The following ACAP3 variants were observed in gnomAD, a reference collection of about 807,000 sequenced individuals.
ACAP3 encodes the protein ArfGAP with coiled-coil, ankyrin repeat and PH domains 3.
A neutral mutation model predicts 104.1 loss-of-function variants in ACAP3; 56 were observed. That is an observed-to-expected ratio of 0.54 (90% CI 0.43 to 0.67). The LOEUF (loss-of-function observed/expected upper bound fraction) is 0.67. ACAP3 is among the 30% of genes least tolerant of loss of function. ACAP3 has a pLI of 0.00. For synonymous variants in ACAP3, 628 were observed against 496.2 expected (o/e 1.27, Z -3.53); for missense variants, 1,208 against 1,174.9 (o/e 1.03, Z -0.41).
In ACAP3 at chr1:1,294,607, G is replaced by C; in HGVS notation, c.1934C>G (p.Ser645Cys). 6.6e-7 allele frequency: 1 copy of C among 1,521,686 alleles called. No individual in the cohort carries two copies. Among genetic ancestry groups the C allele is most frequent in the Non-Finnish European group, 8.8e-7 (1 of 1,136,784 alleles). 94.3% of individuals were successfully genotyped at this position (1,521,686 alleles called of 1,614,324 possible). A position where few individuals can be genotyped will look rare whatever the true frequency, so the allele number is the denominator to read the frequency against. The change falls in exon 21 of 24, where the codon TCC becomes TGC. Residue 645 changes from serine (S) to cysteine (C), a missense_variant. Transcript: ENST00000354700. ...TEEEGAESEE[S>C]SGEADGDTEA... Reference sequence around the variant, plus strand: ...AGTGTCCCCGTCTGCCTCACCGCTGGACTCCTCCGACTCTGCACCCTCTGT... The same window carrying C: ...AGTGTCCCCGTCTGCCTCACCGCTGCACTCCTCCGACTCTGCACCCTCTGT...
Position 1,303,799 on chromosome 1 carries a change from CG to C in ACAP3, c.105+286del. Reference sequence around the variant, plus strand: ...GCTCAGCCCACACAGCAGCTGTCCCCGTGTCACCAGCCCAGCAGAGGGGACG... The same window carrying C: ...GCTCAGCCCACACAGCAGCTGTCCCCTGTCACCAGCCCAGCAGAGGGGACG... On this transcript the variant is annotated intron_variant, in intron 2 of 23. Coordinates refer to ENST00000354700, the MANE Select transcript of ACAP3 (RefSeq NM_030649.3). The surrounding 1 kb of genome is among the most constrained non-coding windows in gnomAD (Gnocchi z 4.0). 1 of 538,790 alleles carries C rather than the reference CG, an allele frequency of 1.9e-6. No homozygotes were observed. Among genetic ancestry groups the C allele is most frequent in the Admixed American group, 3.3e-5 (1 of 30,150 alleles). 33.4% of individuals were successfully genotyped at this position (538,790 alleles called of 1,614,324 possible).
At chr1:1,300,322 C>T (rs1055958896) in intron 6 of ACAP3, 120 bp from the exon 7 acceptor site, 1 of 1,332,644 alleles carries the variant, frequency 7.5e-7, no homozygotes, top group Non-Finnish European at 1.0e-6. Flanking sequence ...TCGTCTTCAG[C>T]TCCCAGCTCT....
chr1:1,294,053 T>C (rs1640990587), intron 22 of ACAP3, 37 bp downstream of exon 22: 2 of 1,522,362 alleles, frequency 1.3e-6, no homozygotes, highest in South Asian at 1.2e-5. Flanking sequence ...GTAGGCGTGG[T>C]CGGGGCACAG....
rs1472080440 is a variant in ACAP3, at chr1:1,293,717, A to C, written c.2361-9T>G. ...TGCGCGCCAGACGGAGCCTACGGGG[A>C]GGCACAGCGTGAGACGCCCCTGCCC... On this transcript the variant is annotated splice_polypyrimidine_tract_variant and intron_variant, in intron 23 of 23. Transcript: ENST00000354700. 7.0e-6 allele frequency: 7 copies of C among 995,722 alleles called. No individual in the cohort carries two copies. The highest frequency in any genetic ancestry group is 6.9e-5 in the African/African-American group (2 of 28,880). 61.7% of individuals were successfully genotyped at this position (995,722 alleles called of 1,614,324 possible).
intron 14 of ACAP3, among the ~76,000 whole-genome samples, chr1:1,297,103 G>A (rs537586826): frequency 1.9e-4 from 29 of 151,812 alleles, no homozygotes; most frequent in Non-Finnish European, 2.9e-4. Flanking sequence ...CCAGTGGCAC[G>A]TAGGTGTGTG....
At chr1:1,302,670 C>T (rs1419956812) in intron 4 of ACAP3, among the ~76,000 whole-genome samples, 1 of 152,068 alleles carries the variant, frequency 6.6e-6, no homozygotes, top group Non-Finnish European at 1.5e-5. Context: ...GACGAGAGCC[C>T]TGCCCAGTTG....
intron 12 of ACAP3, 40 bp downstream of exon 12, chr1:1,298,330 G>T: frequency 1.2e-6 from 2 of 1,604,920 alleles, no homozygotes; most frequent in Non-Finnish European, 8.5e-7. Flanking sequence ...CAGGTGGGGC[G>T]TCCAGCCATC....
intron 4 of ACAP3, among the ~76,000 whole-genome samples, 177 bp from the exon 5 acceptor site, chr1:1,302,223 C>A (rs1641475278): frequency 1.3e-5 from 2 of 152,160 alleles, no homozygotes; most frequent in South Asian, 4.1e-4. Context: ...TGAGTTGGCA[C>A]TCAGAGGCGA....
At chr1:1,295,030 G>C (rs2100401569) in intron 19 of ACAP3, 2 of 583,608 alleles carry the variant, frequency 3.4e-6, no homozygotes, top group Admixed American at 3.2e-5. Context: ...GCCCCCTAAA[G>C]CCCAGGCCTT....
Position 1,294,384 on chromosome 1 carries a change from C to T in ACAP3, c.2139+18G>A. 6.4e-7 allele frequency: 1 copy of T among 1,560,356 alleles called. No individual in the cohort carries two copies. The highest frequency in any genetic ancestry group is 8.6e-7 in the Non-Finnish European group (1 of 1,156,090). Reference sequence around the variant, plus strand: ...CTGTGCACCTGTGTCCTGCGCGCAGCCCCCGTGGCTCGCTCACCCCTAGCA... The same window carrying T: ...CTGTGCACCTGTGTCCTGCGCGCAGTCCCCGTGGCTCGCTCACCCCTAGCA... On this transcript the variant is annotated intron_variant, in intron 21 of 23. Transcript: ENST00000354700.
chr1:1,307,493 G>A, intron 1 of ACAP3: 1 of 1,246,882 alleles, frequency 8.0e-7, no homozygotes, highest in Non-Finnish European at 1.0e-6. Context: ...CAGTGGAGGT[G>A]CAGACACAGA....
rs762228280 is a variant in ACAP3 at position 1,294,110 on chromosome 1, G to T, written c.2229C>A (p.Ala743=). The T allele has an allele frequency of 1.3e-6, 2 of 1,584,394 alleles. No individual in the cohort carries two copies. The highest frequency in any genetic ancestry group is 8.6e-7 in the Non-Finnish European group (1 of 1,165,438). The change falls in exon 22 of 24, where the codon GCC becomes GCA. Residue 743 remains alanine, a synonymous_variant. Transcript: ENST00000354700. The part of the protein sequence containing the change: ...DSRGRAPLHH[A]TLLGRTGQVC... ...CTCACCCGGTGCGGCCCAGCAGCGT[G>T]GCGTGGTGCAGGGGCGCCCGGCCCC... is the stretch of plus-strand genomic sequence containing the variant.
Position 1,294,664 on chromosome 1 carries a change from G to C in ACAP3, c.1913-36C>G. 3 of 1,539,726 alleles carry C rather than the reference G, an allele frequency of 1.9e-6. No individual in the cohort carries two copies. In the South Asian group the frequency reaches 3.6e-5, roughly 18 times the overall value. On this transcript the variant is annotated intron_variant, in intron 20 of 23. Transcript: ENST00000354700. ...GGGGCGGTCAGGGAAAGCAACCCCCGGGGCTGCCCAGGGGCTGGGCAGGGG... is the reference window on the plus strand; with the variant it reads ...GGGGCGGTCAGGGAAAGCAACCCCCCGGGCTGCCCAGGGGCTGGGCAGGGG...
chr1:1,295,687 C>T, intron 18 of ACAP3, 49 bp downstream of exon 18: 1 of 1,562,914 alleles, frequency 6.4e-7, no homozygotes. Flanking sequence ...GGAGTCCATC[C>T]CCGACCAAGG....
In ACAP3 at chr1:1,296,553, C is replaced by G; in HGVS notation, c.1209G>C (p.Glu403Asp). Residue 403 changes from glutamate (E) to aspartate (D), a missense_variant, in exon 15 of 24, where the codon GAG becomes GAC. By Grantham distance (45) the Glu-to-Asp change is conservative (BLOSUM62 2). Transcript: ENST00000354700. ...CACTCTGCACACGCTGCAGCACACT[C>G]TCGCCCTTCACGCCACGCTCCCGAG... ...TDTRERGVKG[E>D]SVLQRVQSVA... 1 of 1,539,704 alleles carries G rather than the reference C, an allele frequency of 6.5e-7. No homozygotes were observed. The highest frequency in any genetic ancestry group is 8.7e-7 in the Non-Finnish European group (1 of 1,146,692).
chr1:1,300,534 T>A lies in ACAP3; in HGVS notation c.497A>T (p.His166Leu). The A allele has an allele frequency of 6.2e-7, 1 of 1,611,498 alleles. No homozygotes were observed. Among genetic ancestry groups the A allele is most frequent in the Non-Finnish European group, 8.5e-7 (1 of 1,179,590 alleles). ...ALTLTRKCFR[H>L]LALDYVLQIN... is the part of the protein sequence containing the mutation. ...CTGGAGCACATAGTCCAGTGCCAGGTGGCGGAAGCACTTCCTGGTGAGGGT... is the reference window on the plus strand; with the variant it reads ...CTGGAGCACATAGTCCAGTGCCAGGAGGCGGAAGCACTTCCTGGTGAGGGT... Residue 166 changes from histidine (H) to leucine (L), a missense_variant, in exon 6 of 24, where the codon CAC becomes CTC. Coordinates refer to ENST00000354700, the MANE Select transcript of ACAP3 (RefSeq NM_030649.3).
At chr1:1,293,988 G>T in intron 22 of ACAP3, 55 bp from the exon 23 acceptor site, 2 of 1,467,020 alleles carry the variant, frequency 1.4e-6, no homozygotes, top group South Asian at 1.3e-5. Flanking sequence ...GGGCGAGTGT[G>T]GTCGCGGGGG....
Position 1,299,711 on chromosome 1 carries a change from G to C in ACAP3, c.738+120C>G, listed in dbSNP as rs917111556. On this transcript the variant is annotated intron_variant, in intron 9 of 23. Coordinates refer to ENST00000354700, the MANE Select transcript of ACAP3 (RefSeq NM_030649.3). Reference sequence around the variant, plus strand: ...AGCCTTGGTCCCCTAGAGAGGGTGTGGGCAGGGCAGGTGGGAGACAGGCAG... The same window carrying C: ...AGCCTTGGTCCCCTAGAGAGGGTGTCGGCAGGGCAGGTGGGAGACAGGCAG... 1.2e-5 allele frequency: 14 copies of C among 1,190,806 alleles called. No individual in the cohort carries two copies. The African/African-American group carries it at 2.0e-4, about 17-fold the overall frequency. The allele number at this position is 1,190,806 out of a possible 1,614,324, so 73.8% of individuals were successfully genotyped here.
In ACAP3 at chr1:1,303,918, G is replaced by A; in HGVS notation, c.105+168C>T. ...AGCCACATGTGTGCATGTGACATGTGCACCCTGGAACACACATGCTAAGAC... is the reference window on the plus strand; with the variant it reads ...AGCCACATGTGTGCATGTGACATGTACACCCTGGAACACACATGCTAAGAC... On this transcript the variant is annotated intron_variant, in intron 2 of 23. Coordinates refer to ENST00000354700, the MANE Select transcript of ACAP3 (RefSeq NM_030649.3). This position sits in a 1 kb window ranked among gnomAD's most constrained non-coding sequence, Gnocchi z 4.0. 2 of 791,834 alleles carry A rather than the reference G, an allele frequency of 2.5e-6. No homozygotes were observed. Among genetic ancestry groups the A allele is most frequent in the South Asian group, 3.4e-5 (2 of 58,608 alleles). The allele number at this position is 791,834 out of a possible 1,614,324, so 49.1% of individuals were successfully genotyped here. A position where few individuals can be genotyped will look rare whatever the true frequency, so the allele number is the denominator to read the frequency against.
Sources: gnomAD v4.1 joint callset for allele counts (sites outside exome capture counted in the v4.1 genomes callset) on GRCh38, gnomAD v4.1.1 for gene constraint, Gnocchi (gnomAD v3.1) non-coding constraint, MANE v1.5 for transcripts, NCBI Gene and HGNC (gene_info 2026-07-23, HGNC 2026-07-21) for gene names.